The following OR2T3 variants were observed in gnomAD, a reference collection of about 807,000 sequenced individuals.
OR2T3 encodes the protein olfactory receptor family 2 subfamily T member 3.
For synonymous variants in OR2T3, 66 were observed against 157.4 expected (o/e 0.42, Z 4.35); for missense variants, 159 against 396.3 (o/e 0.40, Z 5.08).
chr1:248,474,248 A>G lies in OR2T3; in HGVS notation c.898A>G (p.Lys300Glu), dbSNP rs147409239. Residue 300 changes from lysine (K) to glutamate (E), a missense_variant, in exon 1 of 1, where the codon AAA becomes GAA. Lys to Glu is a moderately conservative substitution (Grantham distance 56). Coordinates refer to ENST00000359594, the MANE Select transcript of OR2T3 (RefSeq NM_001005495.1). ...CCCCCTCATTTACAGTCTCCGCAACAAAGATGTCACCAGGGCTCTGAGGAG... is the reference window on the plus strand; with the variant it reads ...CCCCCTCATTTACAGTCTCCGCAACGAAGATGTCACCAGGGCTCTGAGGAG... ...LNPLIYSLRN[K>E]DVTRALRSMM... 1.7e-3 allele frequency: 2,786 copies of G among 1,612,854 alleles called. No homozygotes were observed. Among genetic ancestry groups the G allele is most frequent in the South Asian group, 1.3e-3 (115 of 91,006 alleles).
In OR2T3 at chr1:248,473,999, A is replaced by G. The variant is rs746394623; in HGVS notation, c.649A>G (p.Met217Val). The change falls in exon 1 of 1, where the codon ATG becomes GTG. Residue 217 changes from methionine (M) to valine (V), a missense_variant. Physicochemically the swap from Met to Val is conservative, Grantham distance 21 (BLOSUM62 1). Coordinates refer to ENST00000359594, the MANE Select transcript of OR2T3 (RefSeq NM_001005495.1). ...CATCCTCATGCTTCTCGCCCCCATC[A>G]TGGTCATCTCCAGCTCATACACCCT... ...CCILMLLAPI[M>V]VISSSYTLIL... The G allele has an allele frequency of 3.9e-6, 6 of 1,538,628 alleles. 2 individuals carry two copies. The African/African-American group carries it at 4.3e-5, about 11-fold the overall frequency.
At position 248,473,623 on chromosome 1, in the gene OR2T3, C is replaced by T. The variant is rs373597482; in HGVS notation, c.273C>T (p.Val91=). ...VTVPKMLVGQ[V]TGDDTISPSG... is the part of the protein sequence containing the mutation. ...TGCCCAAGATGCTTGTGGGCCAGGT[C>T]ACTGGAGATGATACCATTTCCCCGT... Residue 91 remains valine, a synonymous_variant, in exon 1 of 1, where the codon GTC becomes GTT. Coordinates refer to ENST00000359594, the MANE Select transcript of OR2T3 (RefSeq NM_001005495.1). 6 of 1,610,514 alleles carry T rather than the reference C, an allele frequency of 3.7e-6. No individual in the cohort carries two copies. In the African/African-American group the frequency reaches 8.2e-5, roughly 22 times the overall value.
rs1425555169 is a variant in OR2T3, at chr1:248,473,451, C to T, written c.101C>T (p.Thr34Ile). The change falls in exon 1 of 1, where the codon ACC (threonine) becomes ATC (isoleucine). Residue 34 changes from threonine (T) to isoleucine (I), a missense_variant. Thr to Ile is a moderately conservative substitution (Grantham distance 89). Transcript: ENST00000359594. Reference sequence around the variant, plus strand: ...AGCAAGCATGCTGCCCTCCTCTACACCGTGACCTTCCTTCTTTTCTTGATG... The same window carrying T: ...AGCAAGCATGCTGCCCTCCTCTACATCGTGACCTTCCTTCTTTTCTTGATG... ...AESKHAALLY[T>I]VTFLLFLMAL... 6.7e-6 allele frequency: 10 copies of T among 1,482,626 alleles called. No individual in the cohort carries two copies. In the South Asian group the frequency reaches 8.1e-5, roughly 12 times the overall value. The allele number at this position is 1,482,626 out of a possible 1,614,324, so 91.8% of individuals were successfully genotyped here.
At position 248,473,733 on chromosome 1, in the gene OR2T3, ATGC is replaced by A. The variant is rs748398276; in HGVS notation, c.389_391del (p.Ala130del). ...CTGGCTGCCATGGCCTATGACCGAT[ATGC>A]TGCTGTTTGCAGACCTCTCCATTAC... On this transcript the variant is annotated inframe_deletion, in exon 1 of 1. Coordinates refer to ENST00000359594, the MANE Select transcript of OR2T3 (RefSeq NM_001005495.1). 8.7e-6 allele frequency: 14 copies of A among 1,608,796 alleles called. No homozygotes were observed. The African/African-American group carries it at 1.8e-4, about 20-fold the overall frequency.
rs770447541 is a variant in OR2T3 at position 248,474,289 on chromosome 1, A to C, written c.939A>C (p.Arg313Ser). Residue 313 changes from arginine (R) to serine (S), a missense_variant, in exon 1 of 1, where the codon AGA (arginine) becomes AGC (serine). Coordinates refer to ENST00000359594, the MANE Select transcript of OR2T3 (RefSeq NM_001005495.1). ...CTCTGAGGAGCATGATGCAGTCAAG[A>C]ATGAACCAAGAAAAGTAGTAAAGGG... ...TRALRSMMQS[R>S]MNQEK 1 of 1,613,966 alleles carries C rather than the reference A, an allele frequency of 6.2e-7. No homozygotes were observed. Among genetic ancestry groups the C allele is most frequent in the African/African-American group, 1.3e-5 (1 of 74,956 alleles).
Position 248,473,991 on chromosome 1 carries a change from C to G in OR2T3, c.641C>G (p.Ala214Gly). 2.0e-6 allele frequency: 3 copies of G among 1,522,704 alleles called. 1 individual carries two copies. The highest frequency in any genetic ancestry group is 2.7e-6 in the Non-Finnish European group (3 of 1,123,140). The allele number at this position is 1,522,704 out of a possible 1,614,324, so 94.3% of individuals were successfully genotyped here. Residue 214 changes from alanine to glycine, a missense_variant, in exon 1 of 1, where the codon GCC becomes GGC. By Grantham distance (60) the Ala-to-Gly change is moderately conservative (BLOSUM62 0). Coordinates refer to ENST00000359594, the MANE Select transcript of OR2T3 (RefSeq NM_001005495.1). ...CTGTGCTGCATCCTCATGCTTCTCG[C>G]CCCCATCATGGTCATCTCCAGCTCA... The part of the protein sequence containing the change: ...MYLCCILMLL[A>G]PIMVISSSYT...
In OR2T3 at chr1:248,473,580, T is replaced by G. The variant is rs200170596; in HGVS notation, c.230T>G (p.Met77Arg). 6.4e-7 allele frequency: 1 copy of G among 1,573,996 alleles called. No homozygotes were observed. Among genetic ancestry groups the G allele is most frequent in the African/African-American group, 1.4e-5 (1 of 72,154 alleles). Reference sequence around the variant, plus strand: ...AGCCAGCTCGCGCTCATGGATCTCATGTACCTATGCGTGACTGTGCCCAAG... The same window carrying G: ...AGCCAGCTCGCGCTCATGGATCTCAGGTACCTATGCGTGACTGTGCCCAAG... ...FISQLALMDL[M>R]YLCVTVPKML... The change falls in exon 1 of 1, where the codon ATG becomes AGG. Residue 77 changes from methionine (M) to arginine (R), a missense_variant. By Grantham distance (91) the Met-to-Arg change is moderately conservative (BLOSUM62 -1). Coordinates refer to ENST00000359594, the MANE Select transcript of OR2T3 (RefSeq NM_001005495.1).
Position 248,474,054 on chromosome 1 carries a change from C to T in OR2T3, c.704C>T (p.Ser235Phe), listed in dbSNP as rs763638374. Residue 235 changes from serine to phenylalanine, a missense_variant, in exon 1 of 1, where the codon TCT becomes TTT. Ser to Phe is a radical substitution (Grantham distance 155). Coordinates refer to ENST00000359594, the MANE Select transcript of OR2T3 (RefSeq NM_001005495.1). ...LILHLIHRMN[S>F]AAGHRKALAT... is the part of the protein sequence containing the mutation. ...CTGCATCTCATCCACAGGATGAATT[C>T]TGCCGCCGGCCACAGGAAGGCCTTG... 68 of 1,602,984 alleles carry T rather than the reference C, an allele frequency of 4.2e-5. 2 individuals are homozygous for T. The highest frequency in any genetic ancestry group is 1.7e-4 in the Middle Eastern group (1 of 6,042).
rs1446876675 is a variant in OR2T3 at position 248,474,161 on chromosome 1, C to G, written c.811C>G (p.His271Asp). ...CACCTACATGCTCCCGAGTTCCTAC[C>G]ACACAGCTGAGCAGGACATGATGGT... ...FYTYMLPSSY[H>D]TAEQDMMVSA... The change falls in exon 1 of 1, where the codon CAC becomes GAC. Residue 271 changes from histidine to aspartate, a missense_variant. Physicochemically the swap from His to Asp is moderately conservative, Grantham distance 81 (BLOSUM62 -1). Transcript: ENST00000359594. 5 of 1,614,076 alleles carry G rather than the reference C, an allele frequency of 3.1e-6. No individual in the cohort carries two copies. Among genetic ancestry groups the G allele is most frequent in the Non-Finnish European group, 4.2e-6 (5 of 1,179,892 alleles).
rs1225510814 is a variant in OR2T3 at position 248,473,850 on chromosome 1, T to C, written c.500T>C (p.Ile167Thr). Residue 167 changes from isoleucine to threonine, a missense_variant, in exon 1 of 1, where the codon ATT (isoleucine) becomes ACT (threonine). Physicochemically the swap from Ile to Thr is moderately conservative, Grantham distance 89. Transcript: ENST00000359594. ...GMVDGLLLTP[I>T]TMSFPFCQSR... is the part of the protein sequence containing the mutation. ...GTTGATGGTTTGTTGCTCACCCCCA[T>C]TACCATGAGCTTCCCCTTTTGCCAG... The C allele has an allele frequency of 1.2e-6, 2 of 1,600,770 alleles. No homozygotes were observed. The highest frequency in any genetic ancestry group is 1.7e-6 in the Non-Finnish European group (2 of 1,171,622).
rs752875564 is a variant in OR2T3, at chr1:248,473,839, G to A, written c.489G>A (p.Leu163=). ...CWVLGMVDGL[L]LTPITMSFPF... is the part of the protein sequence containing the mutation. ...TTTTGGGAATGGTTGATGGTTTGTTGCTCACCCCCATTACCATGAGCTTCC... is the reference window on the plus strand; with the variant it reads ...TTTTGGGAATGGTTGATGGTTTGTTACTCACCCCCATTACCATGAGCTTCC... Residue 163 remains leucine (L), a synonymous_variant, in exon 1 of 1, where the codon TTG becomes TTA. Coordinates refer to ENST00000359594, the MANE Select transcript of OR2T3 (RefSeq NM_001005495.1). 9 of 1,598,306 alleles carry A rather than the reference G, an allele frequency of 5.6e-6. No individual in the cohort carries two copies. The highest frequency in any genetic ancestry group is 6.8e-6 in the Non-Finnish European group (8 of 1,169,734).
At position 248,473,609 on chromosome 1, in the gene OR2T3, CT is replaced by C. The variant is rs747175110; in HGVS notation, c.261del (p.Val88TrpfsTer23). 6.2e-7 allele frequency: 1 copy of C among 1,605,388 alleles called. No homozygotes were observed. The highest frequency in any genetic ancestry group is 8.5e-7 in the Non-Finnish European group (1 of 1,175,044). ...CCTATGCGTGACTGTGCCCAAGATG[CT>C]TGTGGGCCAGGTCACTGGAGATGAT... ...MYLCVTVPKM[L>X]VGQVTGDDTI... On this transcript the variant is annotated frameshift_variant, in exon 1 of 1. Transcript: ENST00000359594. LOFTEE classifies it low-confidence loss of function (END_TRUNC).
In OR2T3 at chr1:248,474,122, G is replaced by A. The variant is rs755442293; in HGVS notation, c.772G>A (p.Gly258Ser). 4.2e-5 allele frequency: 68 copies of A among 1,613,848 alleles called. No homozygotes were observed. The highest frequency in any genetic ancestry group is 3.3e-4 in the Middle Eastern group (2 of 6,076). ...SHMIIVLLLF[G>S]ASFYTYMLPS... ...CATGATCATAGTGCTGCTGCTCTTC[G>A]GTGCTTCCTTCTACACCTACATGCT... The change falls in exon 1 of 1, where the codon GGT becomes AGT. Residue 258 changes from glycine (G) to serine (S), a missense_variant. Transcript: ENST00000359594.
rs748209286 is a variant in OR2T3, at chr1:248,474,123, G to C, written c.773G>C (p.Gly258Ala). Residue 258 changes from glycine (G) to alanine (A), a missense_variant, in exon 1 of 1, where the codon GGT becomes GCT. Physicochemically the swap from Gly to Ala is moderately conservative, Grantham distance 60 (BLOSUM62 0). Coordinates refer to ENST00000359594, the MANE Select transcript of OR2T3 (RefSeq NM_001005495.1). Reference sequence around the variant, plus strand: ...ATGATCATAGTGCTGCTGCTCTTCGGTGCTTCCTTCTACACCTACATGCTC... The same window carrying C: ...ATGATCATAGTGCTGCTGCTCTTCGCTGCTTCCTTCTACACCTACATGCTC... ...SHMIIVLLLF[G>A]ASFYTYMLPS... is the part of the protein sequence containing the mutation. 1.2e-6 allele frequency: 2 copies of C among 1,613,994 alleles called. No homozygotes were observed. The highest frequency in any genetic ancestry group is 1.7e-6 in the Non-Finnish European group (2 of 1,179,870).
rs1201920104 is a variant in OR2T3 at position 248,473,938 on chromosome 1, C to T, written c.588C>T (p.Asp196=). The T allele has an allele frequency of 7.8e-6, 12 of 1,539,192 alleles. 2 individuals carry two copies. The highest frequency in any genetic ancestry group is 6.0e-5 in the South Asian group (5 of 84,020). Residue 196 remains aspartate, a synonymous_variant, in exon 1 of 1, where the codon GAC becomes GAT. Coordinates refer to ENST00000359594, the MANE Select transcript of OR2T3 (RefSeq NM_001005495.1). ...TPALLKLSCS[D]VSLYKTLMYL... is the part of the protein sequence containing the mutation. ...CCCTGCTGAAGCTCTCCTGCTCTGA[C>T]GTCTCCCTCTATAAGACGCTCATGT...
rs367784724 is a variant in OR2T3 at position 248,473,506 on chromosome 1, C to T, written c.156C>T (p.Leu52=). 124 of 1,534,910 alleles carry T rather than the reference C, an allele frequency of 8.1e-5. No individual in the cohort carries two copies. Among genetic ancestry groups the T allele is most frequent in the Non-Finnish European group, 1.0e-4 (114 of 1,114,054 alleles). Residue 52 remains leucine (L), a synonymous_variant, in exon 1 of 1, where the codon CTC becomes CTT. Coordinates refer to ENST00000359594, the MANE Select transcript of OR2T3 (RefSeq NM_001005495.1). ...TCACTGGGAATGCCCTCCTCATCCT[C>T]CTCATCCACTCAGAGCCCCGCCTCC... ...MALTGNALLI[L]LIHSEPRLHT... is the part of the protein sequence containing the mutation.
Position 248,473,646 on chromosome 1 carries a change from C to T in OR2T3, c.296C>T (p.Pro99Leu), listed in dbSNP as rs759032581. ...GTCACTGGAGATGATACCATTTCCC[C>T]GTCAGGCTGTGGGATCCAGATGTTC... ...GQVTGDDTIS[P>L]SGCGIQMFFY... is the part of the protein sequence containing the mutation. Residue 99 changes from proline (P) to leucine (L), a missense_variant, in exon 1 of 1, where the codon CCG (proline) becomes CTG (leucine). Transcript: ENST00000359594. The T allele has an allele frequency of 2.0e-5, 32 of 1,611,538 alleles. No individual in the cohort carries two copies. The highest frequency in any genetic ancestry group is 6.8e-5 in the African/African-American group (5 of 73,420).
At position 248,473,959 on chromosome 1, in the gene OR2T3, C is replaced by A. The variant is rs1421342740; in HGVS notation, c.609C>A (p.Leu203=). ...CTGACGTCTCCCTCTATAAGACGCTCATGTACCTGTGCTGCATCCTCATGC... is the reference window on the plus strand; with the variant it reads ...CTGACGTCTCCCTCTATAAGACGCTAATGTACCTGTGCTGCATCCTCATGC... ...SCSDVSLYKT[L]MYLCCILMLL... The change falls in exon 1 of 1, where the codon CTC becomes CTA. Residue 203 remains leucine, a synonymous_variant. Coordinates refer to ENST00000359594, the MANE Select transcript of OR2T3 (RefSeq NM_001005495.1). 6.7e-7 allele frequency: 1 copy of A among 1,489,790 alleles called. No homozygotes were observed. Among genetic ancestry groups the A allele is most frequent in the Non-Finnish European group, 9.0e-7 (1 of 1,112,668 alleles). The allele number at this position is 1,489,790 out of a possible 1,614,324, so 92.3% of individuals were successfully genotyped here.
rs1222109609 is a variant in OR2T3, at chr1:248,473,410, G to A, written c.60G>A (p.Thr20=). The A allele has an allele frequency of 8.0e-6, 12 of 1,501,220 alleles. No homozygotes were observed. Among genetic ancestry groups the A allele is most frequent in the African/African-American group, 2.8e-5 (2 of 72,624 alleles). 93.0% of individuals were successfully genotyped at this position (1,501,220 alleles called of 1,614,324 possible). A position where few individuals can be genotyped will look rare whatever the true frequency, so the allele number is the denominator to read the frequency against. ...CAGCAAGCACTGATTTCACCCTCAC[G>A]GGACTCTTTGCTGAGAGCAAGCATG... The part of the protein sequence containing the change: ...NQTASTDFTL[T]GLFAESKHAA... Residue 20 remains threonine, a synonymous_variant, in exon 1 of 1, where the codon ACG becomes ACA. Coordinates refer to ENST00000359594, the MANE Select transcript of OR2T3 (RefSeq NM_001005495.1).
Sources: gnomAD v4.1 joint callset for allele counts on GRCh38, gnomAD v4.1.1 for gene constraint, MANE v1.5 for transcripts, NCBI Gene and HGNC (gene_info 2026-07-23, HGNC 2026-07-21) for gene names.